The following LRIG1 variants were observed in gnomAD, a reference collection of about 807,000 sequenced individuals.
LRIG1 encodes the protein leucine rich repeats and immunoglobulin like domains 1, also known as leucine-rich repeats and immunoglobulin-like domains protein 1.
LRIG1 carries 48 observed loss-of-function variants against 99.2 expected under a neutral mutation model. The observed-to-expected ratio is 0.48, with a 90% CI of 0.38 to 0.62. LRIG1 has a LOEUF of 0.62. LRIG1 is among the 20% of genes least tolerant of loss of function. The probability of loss-of-function intolerance (pLI) is 0.00; values close to 1 mark genes in which losing one functional copy is unlikely to be tolerated. For missense variants in LRIG1, 1,646 were observed against 1,434.4 expected (o/e 1.15, Z -2.38); for synonymous variants, 772 against 596.1 (o/e 1.29, Z -4.30).
chr3:66,445,906 G>T (rs1703700740), intron 3 of LRIG1, among the ~76,000 whole-genome samples: 1 of 152,050 alleles, frequency 6.6e-6, no homozygotes, highest in African/African-American at 2.4e-5. Flanking sequence ...AACAACCTTA[G>T]CTCAGATCAT....
At chr3:66,498,295 T>C (rs1701273741) in intron 1 of LRIG1, 1 of 152,176 alleles carries the variant, frequency 6.6e-6, no homozygotes, top group African/African-American at 2.4e-5. Context: ...TTTGAAGGTA[T>C]TTATGCCATG....
At chr3:66,487,996 G>T (rs760543285) in intron 1 of LRIG1, among the ~76,000 whole-genome samples, 1 of 151,768 alleles carries the variant, frequency 6.6e-6, no homozygotes. Context: ...AATTTGTTCC[G>T]GAAAACAATA....
chr3:66,386,207 G>A lies in LRIG1; in HGVS notation c.1563C>T (p.Ser521=). Residue 521 remains serine, a synonymous_variant, in exon 13 of 19, where the codon AGC becomes AGT. Transcript: ENST00000273261. ...DIRFTCSAAS[S]SSSPMTFAWK... ...AGGCAAAGGTCATGGGGGAGCTGCT[G>A]CTGCTGGCTGCTGAGCATGTAAACC... 6.2e-7 allele frequency: 1 copy of A among 1,614,152 alleles called. No individual in the cohort carries two copies. The highest frequency in any genetic ancestry group is 8.5e-7 in the Non-Finnish European group (1 of 1,180,026).
intron 8 of LRIG1, chr3:66,405,679 A>G (rs971806543): frequency 1.5e-5 from 16 of 1,076,132 alleles, no homozygotes; most frequent in Non-Finnish European, 1.7e-5. Context: ...TTTTCTGGAC[A>G]TGACCGAGAA....
intron 5 of LRIG1, among the ~76,000 whole-genome samples, chr3:66,414,620 C>T (rs1160981323): frequency 6.6e-6 from 1 of 152,116 alleles, no homozygotes; most frequent in Non-Finnish European, 1.5e-5. Context: ...AGAACCCAAA[C>T]CCATGCAGCC....
At chr3:66,444,461 T>C (rs939064415) in intron 3 of LRIG1, among the ~76,000 whole-genome samples, 1 of 151,990 alleles carries the variant, frequency 6.6e-6, no homozygotes, top group East Asian at 1.9e-4. Flanking sequence ...CTGGTGACAT[T>C]AGGAGTGGAA....
At position 66,487,601 on chromosome 3, in the gene LRIG1, T is replaced by C. The variant is rs551882570; in HGVS notation, c.218+12589A>G. Among the ~76,000 whole-genome samples the C allele has an allele frequency of 7.2e-5, 11 of 152,082 alleles. No individual in the cohort carries two copies. In the South Asian group the frequency reaches 1.0e-3, roughly 14 times the overall value. ...GTGGAGAGAAACACACACACACACA[T>C]ACACACATACAGGGATGTGTGAAGA... On this transcript the variant is annotated intron_variant, in intron 1 of 18. Coordinates refer to ENST00000273261, the MANE Select transcript of LRIG1 (RefSeq NM_015541.3).
intron 3 of LRIG1, among the ~76,000 whole-genome samples, chr3:66,440,497 T>C (rs1703505703): frequency 6.6e-6 from 1 of 152,150 alleles, no homozygotes; most frequent in Non-Finnish European, 1.5e-5. Flanking sequence ...AAGCTTCAAC[T>C]GGTTTATAGG....
At chr3:66,419,487 T>C (rs1262529549) in intron 3 of LRIG1, among the ~76,000 whole-genome samples, 1 of 152,082 alleles carries the variant, frequency 6.6e-6, no homozygotes, top group Non-Finnish European at 1.5e-5. Flanking sequence ...TGGCAGGGTC[T>C]GTGAGAGGAG....
chr3:66,490,648 A>T (rs975051140), intron 1 of LRIG1, among the ~76,000 whole-genome samples: 6 of 7,106 alleles, frequency 8.4e-4, no homozygotes, highest in East Asian at 0.029. Flanking sequence ...CATAATTTAA[A>T]AAAAAAAAAT....
intron 1 of LRIG1, 119 bp downstream of exon 1, chr3:66,500,071 C>T: frequency 1.3e-6 from 1 of 743,194 alleles, no homozygotes; most frequent in Non-Finnish European, 2.1e-6. Context: ...CGCACAAGCA[C>T]GCACAACTCC....
intron 15 of LRIG1, among the ~76,000 whole-genome samples, chr3:66,382,766 CTTGTATT>C (rs1701157013): frequency 6.6e-6 from 1 of 152,082 alleles, no homozygotes; most frequent in South Asian, 2.1e-4. Context: ...GCGTCAGTTA[CTTGTATT>C]TGTGAGTATT....
intron 12 of LRIG1, among the ~76,000 whole-genome samples, chr3:66,392,143 G>A (rs888886618): frequency 2.0e-5 from 3 of 152,158 alleles, no homozygotes; most frequent in African/African-American, 4.8e-5. Flanking sequence ...TGCTTTCACA[G>A]CCTAATGAAT....
chr3:66,414,377 C>G (rs1702559120), intron 5 of LRIG1, among the ~76,000 whole-genome samples: 1 of 151,214 alleles, frequency 6.6e-6, no homozygotes, highest in Non-Finnish European at 1.5e-5. Flanking sequence ...ACCTGGGGGA[C>G]AGAGCGAGAC....
At chr3:66,478,958 G>A (rs1265557575) in intron 1 of LRIG1, among the ~76,000 whole-genome samples, 1 of 152,130 alleles carries the variant, frequency 6.6e-6, no homozygotes, top group Admixed American at 6.6e-5. Flanking sequence ...AACCACTGCA[G>A]GCCTCGGCTC....
intron 1 of LRIG1, among the ~76,000 whole-genome samples, chr3:66,465,830 G>C (rs1700461966): frequency 6.6e-6 from 1 of 152,112 alleles, no homozygotes; most frequent in Admixed American, 6.5e-5. Flanking sequence ...ATCCCAAACT[G>C]AAAGTCTGTA....
At position 66,383,994 on chromosome 3, in the gene LRIG1, G is replaced by A; in HGVS notation, c.2068C>T (p.Leu690=). 1 of 1,610,438 alleles carries A rather than the reference G, an allele frequency of 6.2e-7. No homozygotes were observed. Among genetic ancestry groups the A allele is most frequent in the Middle Eastern group, 1.7e-4 (1 of 6,012 alleles). Residue 690 remains leucine (L), a synonymous_variant, in exon 14 of 19, where the codon CTA becomes TTA. Coordinates refer to ENST00000273261, the MANE Select transcript of LRIG1 (RefSeq NM_015541.3). ...CACAGTAGAGCAATAGGCAAACCTA[G>A]GACAGTCAGGGTGGCATTAGCTGAA... ...SISANATLTV[L]ETPSLVVPLE...
chr3:66,498,597 G>GA (rs1701280898), intron 1 of LRIG1, among the ~76,000 whole-genome samples: 1 of 151,590 alleles, frequency 6.6e-6, no homozygotes, highest in Non-Finnish European at 1.5e-5. Context: ...GTATGTAAGG[G>GA]AAAAATCACA....
At chr3:66,401,478 T>C (rs1031102444) in intron 9 of LRIG1, 2 of 529,236 alleles carry the variant, frequency 3.8e-6, no homozygotes, top group Non-Finnish European at 6.3e-6. Context: ...TAAATATTAG[T>C]CACATTGACC....
Sources: gnomAD v4.1 joint callset for allele counts (sites outside exome capture counted in the v4.1 genomes callset) on GRCh38, gnomAD v4.1.1 for gene constraint, MANE v1.5 for transcripts, NCBI Gene and HGNC (gene_info 2026-07-23, HGNC 2026-07-21) for gene names.